DAB1: variants seen among roughly 807,000 people sequenced by gnomAD.
DAB1 encodes disabled homolog 1.
DAB1 carries 15 observed loss-of-function variants against 64.6 expected under a neutral mutation model. The ratio of observed to expected loss-of-function variants is 0.23; its 90% CI spans 0.16 to 0.36. The LOEUF (loss-of-function observed/expected upper bound fraction) is 0.36. Ranked by LOEUF, DAB1 falls within the 10% of genes least tolerant of loss-of-function variation. The pLI, the probability that DAB1 is intolerant of heterozygous loss-of-function variation, is 1.00. For synonymous variants in DAB1, 235 were observed against 251.9 expected (o/e 0.93, Z 0.64); for missense variants, 596 against 706.7 (o/e 0.84, Z 1.78).
chr1:58,177,011 C>T (rs1327202091), intron 4 of DAB1, among the ~76,000 whole-genome samples: 1 of 151,518 alleles, frequency 6.6e-6, no homozygotes, highest in Non-Finnish European at 1.5e-5. Context: ...CCTCTCAACA[C>T]TGTTACAATG....
chr1:57,512,917 T>C (rs1438112940), intron 7 of DAB1, among the ~76,000 whole-genome samples: 1 of 152,154 alleles, frequency 6.6e-6, no homozygotes, highest in African/African-American at 2.4e-5. Flanking sequence ...AAATGGAGCC[T>C]CTCTGGGGAC....
rs187746863 is a variant in DAB1 at position 58,528,317 on chromosome 1, T to C, written n.33-982A>G. The stretch of plus-strand genomic sequence containing the variant: ...TAACTTATTGTTAACCCTGAGCTAA[T>C]TGTTTAACCCTGCTAAACCCAGTAG... On this transcript the variant is annotated intron_variant and non_coding_transcript_variant, in intron 1 of 20. Transcript: ENST00000485760. 1.6e-4 allele frequency among the ~76,000 whole-genome samples: 25 copies of C among 152,342 alleles called. No individual in the cohort carries two copies. The East Asian group carries it at 1.7e-3, about 11-fold the overall frequency.
At chr1:58,183,330 T>TA (rs1656897851) in intron 4 of DAB1, among the ~76,000 whole-genome samples, 1 of 152,030 alleles carries the variant, frequency 6.6e-6, no homozygotes, top group Non-Finnish European at 1.5e-5. Context: ...CAGCCATGGA[T>TA]GAATAGTTAG....
rs148062015 is a variant in DAB1, at chr1:58,369,812, T to C, written n.258-26409A>G. Among the ~76,000 whole-genome samples, 223 of 152,358 alleles carry C rather than the reference T, an allele frequency of 1.5e-3. 2 individuals are homozygous for C. Among genetic ancestry groups the C allele is most frequent in the African/African-American group, 5.1e-3 (211 of 41,586 alleles). On this transcript the variant is annotated intron_variant and non_coding_transcript_variant, in intron 3 of 20. Transcript: ENST00000485760. ...ATTTGTATTTGAAACACATGGTGAC[T>C]GGAATTAGAGAATCTTCTTGGTTTA...
At chr1:57,153,250 T>A (rs1003208774) in intron 2 of DAB1, among the ~76,000 whole-genome samples, 3 of 152,196 alleles carry the variant, frequency 2.0e-5, no homozygotes, top group African/African-American at 7.2e-5. Context: ...GGTCTCGAAC[T>A]CTTGGCTTCA....
At chr1:57,062,826 C>T (rs1650533420) in intron 9 of DAB1, 58 bp downstream of exon 9, 4 of 1,413,546 alleles carry the variant, frequency 2.8e-6, no homozygotes, top group South Asian at 1.2e-5. Context: ...AGGCTGTAGA[C>T]AGCCTCAGTG....
chr1:57,747,348 T>C (rs1223755071), intron 6 of DAB1, among the ~76,000 whole-genome samples: 1 of 152,196 alleles, frequency 6.6e-6, no homozygotes, highest in Non-Finnish European at 1.5e-5. Flanking sequence ...ATGTATTTTA[T>C]TCTACCTGAG....
chr1:57,185,742 T>C (rs1178381740), intron 2 of DAB1, among the ~76,000 whole-genome samples: 5 of 152,102 alleles, frequency 3.3e-5, no homozygotes, highest in Non-Finnish European at 7.3e-5. Context: ...CATAATAATG[T>C]TTCTGGTTTT....
chr1:57,273,258 G>A (rs534159993), intron 2 of DAB1, among the ~76,000 whole-genome samples: 11 of 152,208 alleles, frequency 7.2e-5, no homozygotes, highest in Non-Finnish European at 8.8e-5. Context: ...AATGCACCTC[G>A]CCAACCTCCC....
intron 7 of DAB1, among the ~76,000 whole-genome samples, chr1:57,442,410 G>T (rs1242052851): frequency 6.6e-6 from 1 of 152,154 alleles, no homozygotes; most frequent in Non-Finnish European, 1.5e-5. Context: ...CCAGAGTAAA[G>T]CCATGAAAGA....
chr1:57,453,026 G>A (rs1686449469), intron 7 of DAB1, among the ~76,000 whole-genome samples: 1 of 151,792 alleles, frequency 6.6e-6, no homozygotes, highest in South Asian at 2.1e-4. Flanking sequence ...GGGAAGGAGA[G>A]AAGGAAGAAT....
intron 4 of DAB1, among the ~76,000 whole-genome samples, chr1:58,321,834 G>A (rs899994597): frequency 6.6e-6 from 1 of 152,228 alleles, no homozygotes; most frequent in Non-Finnish European, 1.5e-5. Flanking sequence ...CTGGGGGCAG[G>A]GCATAGCTGA....
At chr1:57,920,496 T>C (rs1283523986) in intron 5 of DAB1, among the ~76,000 whole-genome samples, 1 of 152,096 alleles carries the variant, frequency 6.6e-6, no homozygotes, top group Non-Finnish European at 1.5e-5. Context: ...TAATTTTCTT[T>C]TTTTTGAAAC....
chr1:58,232,246 A>T (rs994102055), intron 4 of DAB1, among the ~76,000 whole-genome samples: 15 of 152,174 alleles, frequency 9.9e-5, no homozygotes, highest in Admixed American at 7.2e-4. Context: ...TGGAAATATG[A>T]GAAGAGACCG....
chr1:57,832,932 T>C (rs1323810430), intron 1 of DAB1, among the ~76,000 whole-genome samples: 1 of 152,158 alleles, frequency 6.6e-6, no homozygotes, highest in Non-Finnish European at 1.5e-5. Context: ...AAGATTCTCT[T>C]CTTCTTTTCC....
intron 6 of DAB1, among the ~76,000 whole-genome samples, chr1:57,707,918 T>A (rs1272614741): frequency 1.3e-5 from 2 of 152,184 alleles, no homozygotes; most frequent in Admixed American, 6.5e-5. Flanking sequence ...AGGGAAGAAT[T>A]CCCTGGGTTA....
chr1:58,476,085 G>A (rs1645415817), intron 3 of DAB1, among the ~76,000 whole-genome samples: 1 of 152,094 alleles, frequency 6.6e-6, no homozygotes, highest in Non-Finnish European at 1.5e-5. Context: ...GACCAATGCT[G>A]CCCAGGACAA....
At chr1:57,075,172 T>C (rs1473522423) in intron 4 of DAB1, among the ~76,000 whole-genome samples, 2 of 152,212 alleles carry the variant, frequency 1.3e-5, no homozygotes, top group South Asian at 4.1e-4. Flanking sequence ...AAAATTAAGC[T>C]GCGATTAGAA....
intron 5 of DAB1, among the ~76,000 whole-genome samples, chr1:58,135,186 T>G (rs1426150279): frequency 6.6e-6 from 1 of 152,192 alleles, no homozygotes; most frequent in Non-Finnish European, 1.5e-5. Context: ...TTGTCAGTCA[T>G]TATGATCTCT....
Sources: allele counts gnomAD v4.1 joint callset (sites outside exome capture counted in the v4.1 genomes callset), GRCh38; gene constraint gnomAD v4.1.1; transcripts MANE v1.5; gene names NCBI Gene and HGNC (gene_info 2026-07-23, HGNC 2026-07-21).